SPART: variants seen among roughly 807,000 people sequenced by gnomAD.
The protein encoded by SPART is spartin, also known as spastic paraplegia 20 (Troyer syndrome).
In SPART, 35 loss-of-function variants were observed where a neutral mutation model predicts 58.7. The ratio of observed to expected loss-of-function variants is 0.60; its 90% CI spans 0.46 to 0.79. SPART has a LOEUF of 0.79. Ranked by LOEUF, SPART falls within the 30% of genes least tolerant of loss-of-function variation. The pLI, the probability that SPART is intolerant of heterozygous loss-of-function variation, is 0.00. For missense variants in SPART, 730 were observed against 786.1 expected (o/e 0.93, Z 0.85); for synonymous variants, 284 against 280.7 (o/e 1.01, Z -0.12).
chr13:36,347,781 T>C (rs1885238315), upstream of SPART, among the ~76,000 whole-genome samples: 3 of 152,176 alleles, frequency 2.0e-5, 1 homozygote, highest in African/African-American at 7.2e-5. Context: ...GCAACTTCTG[T>C]TTTATTATAA....
intron 1 of SPART, among the ~76,000 whole-genome samples, chr13:36,356,426 C>A (rs1885625844): frequency 6.6e-6 from 1 of 152,216 alleles, no homozygotes; most frequent in African/African-American, 2.4e-5. Context: ...ACAACCTATT[C>A]TCTCTGAAGT....
intron 1 of SPART, among the ~76,000 whole-genome samples, chr13:36,344,179 C>T (rs1188713978): frequency 6.6e-6 from 1 of 152,002 alleles, no homozygotes; most frequent in East Asian, 1.9e-4. Context: ...AGTGTCCCGT[C>T]GTAGAAAGTC....
At position 36,335,543 on chromosome 13, in the gene SPART, C is replaced by A. The variant is rs1883916556; in HGVS notation, c.288G>T (p.Glu96Asp). 59 of 1,614,168 alleles carry A rather than the reference C, an allele frequency of 3.7e-5. No homozygotes were observed. Among genetic ancestry groups the A allele is most frequent in the Non-Finnish European group, 4.9e-5 (58 of 1,180,018 alleles). The change falls in exon 2 of 9, where the codon GAG (glutamate) becomes GAT (aspartate). Residue 96 changes from glutamate (E) to aspartate (D), a missense_variant. By Grantham distance (45) the Glu-to-Asp change is conservative. Coordinates refer to ENST00000438666, the MANE Select transcript of SPART (RefSeq NM_015087.5). The stretch of plus-strand genomic sequence containing the variant: ...TCTGCAGAGAAGTGGCAAGACCCTT[C>A]TCTAGAATTTCCAGCCTGGTGCGTA... ...QNVRTRLEIL[E>D]KGLATSLQND...
intron 3 of SPART, among the ~76,000 whole-genome samples, chr13:36,330,318 T>G (rs940095657): frequency 4.6e-5 from 7 of 152,208 alleles, no homozygotes; most frequent in Admixed American, 1.3e-4. Flanking sequence ...TACACACTTC[T>G]GTATGCTGAT....
intron 1 of SPART, among the ~76,000 whole-genome samples, chr13:36,367,713 C>G (rs1454967933): frequency 6.6e-6 from 1 of 152,154 alleles, no homozygotes; most frequent in Non-Finnish European, 1.5e-5. Context: ...CAGTGTATTC[C>G]CGGTCTTGTT....
At chr13:36,352,179 A>T (rs554940552) in intron 1 of SPART, among the ~76,000 whole-genome samples, 1 of 152,320 alleles carries the variant, frequency 6.6e-6, no homozygotes, top group South Asian at 2.1e-4. Flanking sequence ...TGAACTCTAC[A>T]TTATATGAAA....
At position 36,331,608 on chromosome 13, in the gene SPART, C is replaced by G. The variant is rs1883470242; in HGVS notation, c.811-12G>C. On this transcript the variant is annotated splice_polypyrimidine_tract_variant and intron_variant, in intron 2 of 8. Coordinates refer to ENST00000438666, the MANE Select transcript of SPART (RefSeq NM_015087.5). ...AACCAGTCACAAACCTGAAAGGATT[C>G]ATTAGAAGAAAAAAAATATACATAT... The G allele has an allele frequency of 6.3e-7, 1 of 1,592,456 alleles. No individual in the cohort carries two copies. Among genetic ancestry groups the G allele is most frequent in the Non-Finnish European group, 8.6e-7 (1 of 1,163,436 alleles).
intron 8 of SPART, among the ~76,000 whole-genome samples, chr13:36,306,338 G>A (rs1256576692): frequency 1.3e-5 from 2 of 151,910 alleles, no homozygotes; most frequent in Non-Finnish European, 1.5e-5. Flanking sequence ...AGGTGGTAAT[G>A]GCTGTGTCTA....
Position 36,302,270 on chromosome 13 carries a change from AT to A in SPART, c.*2094del, listed in dbSNP as rs1880062062. 2 of 152,142 alleles carry A rather than the reference AT, an allele frequency of 1.3e-5. No individual in the cohort carries two copies. The highest frequency in any genetic ancestry group is 1.9e-4 in the East Asian group (1 of 5,194). The allele number at this position is 152,142 out of a possible 1,614,324, so 9.4% of individuals were successfully genotyped here. A position where few individuals can be genotyped will look rare whatever the true frequency, so the allele number is the denominator to read the frequency against. ...TCAATCATTACACAATATAAAAAAA[AT>A]CTTTAGAAGATGCCTATCTCCTAAT... On this transcript the variant is annotated 3_prime_UTR_variant, in exon 9 of 9. Coordinates refer to ENST00000438666, the MANE Select transcript of SPART (RefSeq NM_015087.5).
In SPART at chr13:36,303,666, C is replaced by A. The variant is rs1421162416; in HGVS notation, c.*699G>T. 1.3e-5 allele frequency: 2 copies of A among 152,426 alleles called. No individual in the cohort carries two copies. The highest frequency in any genetic ancestry group is 3.8e-4 in the East Asian group (2 of 5,200). The allele number at this position is 152,426 out of a possible 1,614,324, so 9.4% of individuals were successfully genotyped here. A position where few individuals can be genotyped will look rare whatever the true frequency, so the allele number is the denominator to read the frequency against. On this transcript the variant is annotated 3_prime_UTR_variant, in exon 9 of 9. Transcript: ENST00000438666. Reference sequence around the variant, plus strand: ...AATCACTTCGAATTTTAATACAATACAATCATGTTCCCAAATTTCCTAGGC... The same window carrying A: ...AATCACTTCGAATTTTAATACAATAAAATCATGTTCCCAAATTTCCTAGGC...
intron 5 of SPART, among the ~76,000 whole-genome samples, chr13:36,324,399 A>G (rs1882708685): frequency 6.6e-6 from 1 of 152,118 alleles, no homozygotes; most frequent in Non-Finnish European, 1.5e-5. Context: ...TAGGCACTCT[A>G]TTTGGCAGTC....
chr13:36,327,380 C>T (rs546119270), intron 4 of SPART, among the ~76,000 whole-genome samples: 1 of 152,106 alleles, frequency 6.6e-6, no homozygotes, highest in Non-Finnish European at 1.5e-5. Context: ...AAGAATGTCA[C>T]ATAAAATATA....
Position 36,335,205 on chromosome 13 carries a change from G to A in SPART, c.626C>T (p.Pro209Leu), listed in dbSNP as rs766680187. 39 of 1,613,932 alleles carry A rather than the reference G, an allele frequency of 2.4e-5. No individual in the cohort carries two copies. The highest frequency in any genetic ancestry group is 1.4e-4 in the South Asian group (13 of 91,080). The change falls in exon 2 of 9, where the codon CCG (proline) becomes CTG (leucine). Residue 209 changes from proline (P) to leucine (L), a missense_variant. Pro to Leu is a moderately conservative substitution (Grantham distance 98). Coordinates refer to ENST00000438666, the MANE Select transcript of SPART (RefSeq NM_015087.5). ...ATCCAGCCCTAAGGTCTCAAGAGGC[G>A]GTGGCTGAGAATGATTCCTATAAAA... ...EEFYRNHSQP[P>L]PLETLGLDAD...
rs1245725273 is a variant in SPART at position 36,304,147 on chromosome 13, C to A, written c.*218G>T. The A allele has an allele frequency of 6.6e-6, 4 of 604,408 alleles. No homozygotes were observed. The South Asian group carries it at 8.3e-5, about 13-fold the overall frequency. 37.4% of individuals were successfully genotyped at this position (604,408 alleles called of 1,614,324 possible). A position where few individuals can be genotyped will look rare whatever the true frequency, so the allele number is the denominator to read the frequency against. The stretch of plus-strand genomic sequence containing the variant: ...TTAGCTACACTTGGAAAAAAATAAA[C>A]TTGAGAATATAACTTCACATTTCTA... On this transcript the variant is annotated 3_prime_UTR_variant, in exon 9 of 9. Transcript: ENST00000438666.
chr13:36,363,750 C>T (rs1393956622), intron 1 of SPART, among the ~76,000 whole-genome samples: 1 of 142,862 alleles, frequency 7.0e-6, no homozygotes, highest in African/African-American at 2.7e-5. Flanking sequence ...GATAGTGTTG[C>T]AGCCTGTTGG....
intron 5 of SPART, among the ~76,000 whole-genome samples, chr13:36,323,681 GCC>G (rs1013750702): frequency 2.6e-5 from 4 of 151,986 alleles, no homozygotes; most frequent in Non-Finnish European, 4.4e-5. Context: ...TTAATTTTCT[GCC>G]CCCCTTTGTT....
chr13:36,312,282 C>T (rs1188851118), intron 7 of SPART, 37 bp downstream of exon 7: 16 of 1,613,630 alleles, frequency 9.9e-6, no homozygotes, highest in Non-Finnish European at 1.3e-5. Context: ...CCAAAGCAAA[C>T]GGACCTTCAT....
intron 2 of SPART, among the ~76,000 whole-genome samples, chr13:36,334,300 C>T (rs139565172): frequency 3.3e-4 from 51 of 152,274 alleles, no homozygotes; most frequent in African/African-American, 1.2e-3. Flanking sequence ...TTATGTAGCA[C>T]TCTTTACTCT....
chr13:36,319,312 C>T (rs1262293610), intron 5 of SPART, among the ~76,000 whole-genome samples: 1 of 150,170 alleles, frequency 6.7e-6, no homozygotes, highest in Admixed American at 6.6e-5. Context: ...GCGTCCCCCT[C>T]TTGTATCCCC....
Sources: gnomAD v4.1 joint callset for allele counts (sites outside exome capture counted in the v4.1 genomes callset) on GRCh38, gnomAD v4.1.1 for gene constraint, MANE v1.5 for transcripts, NCBI Gene and HGNC (gene_info 2026-07-23, HGNC 2026-07-21) for gene names.